Variants in LRRC4B observed in about 807,000 individuals in gnomAD.
The protein encoded by LRRC4B is leucine rich repeat containing 4B, also known as leucine-rich repeat-containing protein 4B.
In LRRC4B, 1 loss-of-function variant was observed where a neutral mutation model predicts 7.3. That is an observed-to-expected ratio of 0.14 (90% confidence interval 0.05 to 0.65). LRRC4B has a LOEUF of 0.65. Among genes scored for constraint, LRRC4B ranks in the 30% least tolerant of loss-of-function variants. LRRC4B has a pLI of 0.84. For synonymous variants in LRRC4B, 500 were observed against 499.2 expected, an observed-to-expected ratio of 1.00 and a Z score of -0.02; for missense variants, 730 against 1,041.6, an observed-to-expected ratio of 0.70 and a Z score of 4.12.
intron 2 of LRRC4B, among the ~76,000 whole-genome samples, chr19:50,540,040 ATTGC>A (rs1981474661): frequency 6.6e-6 from 1 of 152,122 alleles, no homozygotes; most frequent in South Asian, 2.1e-4. Flanking sequence ...TTTAAAATAT[ATTGC>A]TTAAGTTTTA....
rs1457108062 is a variant in LRRC4B at position 50,533,906 on chromosome 19, C to T, written c.298-14491G>A. Among the ~76,000 whole-genome samples, 7 of 152,184 alleles carry T rather than the reference C, an allele frequency of 4.6e-5. No homozygotes were observed. The South Asian group carries it at 8.3e-4, about 18-fold the overall frequency. On this transcript the variant is annotated intron_variant, in intron 2 of 2. Transcript: ENST00000652263. ...CCAAAGTTGCAGAACCAAGACTCAA[C>T]GTCTCCTTCTCCTGAGCACAGACAT...
At chr19:50,565,241 G>C (rs1982590512) in intron 1 of LRRC4B, among the ~76,000 whole-genome samples, 2 of 152,330 alleles carry the variant, frequency 1.3e-5, no homozygotes, top group South Asian at 4.1e-4. Flanking sequence ...CTGCATCTCT[G>C]TAGCTCTGGG....
intron 1 of LRRC4B, among the ~76,000 whole-genome samples, chr19:50,562,951 G>C (rs1599788673): frequency 6.6e-6 from 1 of 152,086 alleles, no homozygotes; most frequent in South Asian, 2.1e-4. Context: ...TGTTGGCCAG[G>C]CTGGTCTCAA....
intron 2 of LRRC4B, among the ~76,000 whole-genome samples, chr19:50,523,646 C>T (rs1466770258): frequency 7.5e-6 from 1 of 133,058 alleles, no homozygotes; most frequent in Non-Finnish European, 1.6e-5. Flanking sequence ...CTGGGCAACA[C>T]AGTGAGACTC....
At position 50,525,560 on chromosome 19, in the gene LRRC4B, C is replaced by CTGTAATT. The variant is rs1980771638; in HGVS notation, c.298-6146_298-6145insAATTACA. On this transcript the variant is annotated intron_variant, in intron 2 of 2. Coordinates refer to ENST00000652263, the MANE Select transcript of LRRC4B (RefSeq NM_001080457.2). ...AGCTAGGATTACAGGCGTCCTCCAC[C>CTGTAATT]ACACCCGGCTAATTTTTGTATTTTT... 2.0e-5 allele frequency among the ~76,000 whole-genome samples: 3 copies of CTGTAATT among 150,610 alleles called. No homozygotes were observed. The South Asian group carries it at 6.3e-4, about 32-fold the overall frequency.
intron 1 of LRRC4B, among the ~76,000 whole-genome samples, chr19:50,567,076 A>G (rs189438845): frequency 6.9e-6 from 1 of 143,964 alleles, no homozygotes; most frequent in Admixed American, 7.4e-5. Context: ...GTGTCTTAGA[A>G]GGTCCTAGAA....
At position 50,517,667 on chromosome 19, in the gene LRRC4B, GC is replaced by G. The variant is rs763221811; in HGVS notation, c.2045del (p.Gly682AlafsTer184). On this transcript the variant is annotated frameshift_variant, in exon 3 of 3. Transcript: ENST00000652263. LOFTEE classifies it low-confidence loss of function (END_TRUNC). The surrounding 1 kb of genome is among the most constrained non-coding windows in gnomAD (Gnocchi z 6.6). ...AHYSSNPSGGGCGGKGPPGLN... is the reference protein window; with the variant it reads ...AHYSSNPSGGXCGGKGPPGLN... Reference sequence around the variant, plus strand: ...GGCCAGGCGGGCCTTTGCCCCCGCAGCCCCCGCCGCTGGGGTTGCTGCTGTA... The same window carrying G: ...GGCCAGGCGGGCCTTTGCCCCCGCAGCCCCGCCGCTGGGGTTGCTGCTGTA... 2.0e-6 allele frequency: 3 copies of G among 1,521,832 alleles called. No individual in the cohort carries two copies. The highest frequency in any genetic ancestry group is 2.2e-5 in the Admixed American group (1 of 44,674). The allele number at this position is 1,521,832 out of a possible 1,614,324, so 94.3% of individuals were successfully genotyped here.
At chr19:50,561,694 C>G (rs1029753720) in intron 1 of LRRC4B, among the ~76,000 whole-genome samples, 3 of 151,984 alleles carry the variant, frequency 2.0e-5, no homozygotes, top group African/African-American at 7.3e-5. Flanking sequence ...GTGGTTGTGC[C>G]CCTGCACTTC....
intron 2 of LRRC4B, among the ~76,000 whole-genome samples, chr19:50,527,322 ACGCC>A (rs1980852515): frequency 6.8e-6 from 1 of 146,166 alleles, no homozygotes; most frequent in Non-Finnish European, 1.5e-5. Flanking sequence ...ATGAGCCACC[ACGCC>A]CGGCTGTTTT....
At chr19:50,567,049 G>T (rs2892238) in intron 1 of LRRC4B, among the ~76,000 whole-genome samples, 1 of 150,194 alleles carries the variant, frequency 6.7e-6, no homozygotes, top group Non-Finnish European at 1.5e-5. Context: ...GTTAGAGAAG[G>T]CTGAGGAGCA....
At chr19:50,559,391 G>A (rs1371712451) in intron 1 of LRRC4B, among the ~76,000 whole-genome samples, 3 of 152,068 alleles carry the variant, frequency 2.0e-5, no homozygotes, top group Non-Finnish European at 4.4e-5. Flanking sequence ...CTGAGATGGC[G>A]CCACTGCACT....
chr19:50,535,919 G>T (rs1233406877), intron 2 of LRRC4B, among the ~76,000 whole-genome samples: 2 of 152,222 alleles, frequency 1.3e-5, no homozygotes, highest in African/African-American at 2.4e-5. Context: ...AACAACAAGG[G>T]GATGAGATCT....
chr19:50,562,968 G>A (rs1296650269), intron 1 of LRRC4B, among the ~76,000 whole-genome samples: 2 of 151,954 alleles, frequency 1.3e-5, no homozygotes, highest in African/African-American at 4.8e-5. Flanking sequence ...TCAAACTCCC[G>A]ACCTCAGGTG....
intron 2 of LRRC4B, among the ~76,000 whole-genome samples, chr19:50,528,449 A>G (rs1980912569): frequency 6.6e-6 from 1 of 151,936 alleles, no homozygotes; most frequent in Non-Finnish European, 1.5e-5. Flanking sequence ...GGTTTAAGCA[A>G]TTCTCCTGCC....
At chr19:50,520,433 C>T (rs1980527510) in intron 2 of LRRC4B, among the ~76,000 whole-genome samples, 1 of 150,446 alleles carries the variant, frequency 6.6e-6, no homozygotes, top group African/African-American at 2.4e-5. Context: ...AGTTCGAGAC[C>T]AGCCTGGCCA....
intron 1 of LRRC4B, among the ~76,000 whole-genome samples, chr19:50,560,623 G>C (rs1982431067): frequency 6.6e-6 from 1 of 152,074 alleles, no homozygotes; most frequent in Non-Finnish European, 1.5e-5. Context: ...AAGAGTGTTG[G>C]TGTTGAGGAA....
At chr19:50,530,761 A>G (rs1599765842) in intron 2 of LRRC4B, among the ~76,000 whole-genome samples, 1 of 142,326 alleles carries the variant, frequency 7.0e-6, no homozygotes, top group African/African-American at 2.6e-5. Flanking sequence ...TTTGAGATGG[A>G]GTTTCGCTGT....
At chr19:50,567,317 T>C (rs957296331) in intron 1 of LRRC4B, among the ~76,000 whole-genome samples, 2 of 149,918 alleles carry the variant, frequency 1.3e-5, no homozygotes, top group African/African-American at 2.4e-5. Flanking sequence ...AGAGGCGGGG[T>C]GACCCCAGAG....
chr19:50,550,938 A>G (rs997728566), intron 1 of LRRC4B: 1 of 152,162 alleles, frequency 6.6e-6, no homozygotes, highest in African/African-American at 2.4e-5. Flanking sequence ...GCTGGCCCAA[A>G]GCGCAGGGCC....
Sources: gnomAD v4.1 joint callset for allele counts (sites outside exome capture counted in the v4.1 genomes callset) on GRCh38, gnomAD v4.1.1 for gene constraint, Gnocchi (gnomAD v3.1) non-coding constraint, MANE v1.5 for transcripts, NCBI Gene and HGNC (gene_info 2026-07-23, HGNC 2026-07-21) for gene names.